The following NKAIN3 variants were observed in gnomAD, a reference collection of about 807,000 sequenced individuals.
NKAIN3 encodes the protein sodium/potassium transporting ATPase interacting 3, also known as sodium/potassium-transporting ATPase subunit beta-1-interacting protein 3.
Under a neutral mutation model 30.2 loss-of-function variants are expected in NKAIN3, and 25 were observed. The ratio of observed to expected loss-of-function variants is 0.83; its 90% CI spans 0.60 to 1.16. NKAIN3 has a LOEUF of 1.16. NKAIN3 is among the 50% of genes most tolerant of loss of function. The probability of loss-of-function intolerance (pLI) is 0.00; values close to 1 mark genes in which losing one functional copy is unlikely to be tolerated. For synonymous variants in NKAIN3, 91 were observed against 89.6 expected (o/e 1.02, Z -0.09); for missense variants, 225 against 254.1 (o/e 0.89, Z 0.78).
At chr8:62,427,556 A>G (rs995497576) in intron 1 of NKAIN3, among the ~76,000 whole-genome samples, 5 of 152,034 alleles carry the variant, frequency 3.3e-5, no homozygotes, top group South Asian at 2.1e-4. Context: ...AATATCACTA[A>G]CAGACATGAT....
intron 1 of NKAIN3, among the ~76,000 whole-genome samples, chr8:62,352,592 C>G: frequency 6.6e-6 from 1 of 152,136 alleles, no homozygotes; most frequent in Non-Finnish European, 1.5e-5. Context: ...TCTAAAATAG[C>G]CTTCTCCCCG....
intron 1 of NKAIN3, among the ~76,000 whole-genome samples, chr8:62,472,217 G>A (rs1806376609): frequency 6.6e-6 from 1 of 152,088 alleles, no homozygotes; most frequent in Non-Finnish European, 1.5e-5. Context: ...GGGAAGGAAG[G>A]AATGGGGCCT....
intron 1 of NKAIN3, among the ~76,000 whole-genome samples, chr8:62,498,968 C>T (rs1036604395): frequency 2.0e-5 from 3 of 152,144 alleles, no homozygotes; most frequent in African/African-American, 7.2e-5. Flanking sequence ...TCAAGACTGA[C>T]TCAAAGGTCA....
intron 5 of NKAIN3, among the ~76,000 whole-genome samples, chr8:62,928,332 C>T (rs1056202427): frequency 6.6e-6 from 1 of 152,196 alleles, no homozygotes; most frequent in Non-Finnish European, 1.5e-5. Flanking sequence ...TTCTCTCTCT[C>T]TCCCTCTCTC....
At chr8:62,345,568 T>C in intron 1 of NKAIN3, among the ~76,000 whole-genome samples, 1 of 146,974 alleles carries the variant, frequency 6.8e-6, no homozygotes, top group Admixed American at 6.9e-5. Context: ...TATACACATA[T>C]ATACACATAT....
intron 4 of NKAIN3, among the ~76,000 whole-genome samples, chr8:62,887,157 C>T: frequency 6.6e-6 from 1 of 152,094 alleles, no homozygotes; most frequent in East Asian, 1.9e-4. Flanking sequence ...TATTTCACTT[C>T]TCTCTCTTCT....
chr8:62,769,526 A>G (rs1028062019), intron 4 of NKAIN3, among the ~76,000 whole-genome samples: 4 of 152,220 alleles, frequency 2.6e-5, no homozygotes, highest in African/African-American at 4.8e-5. Flanking sequence ...AAATTCACCA[A>G]TGAATTGACA....
intron 1 of NKAIN3, among the ~76,000 whole-genome samples, chr8:62,359,349 C>T (rs144115522): frequency 1.3e-5 from 2 of 152,156 alleles, no homozygotes; most frequent in Admixed American, 6.5e-5. Context: ...AGATGGAGAT[C>T]AAAATATTCC....
intron 1 of NKAIN3, among the ~76,000 whole-genome samples, chr8:62,399,239 C>G (rs1385706815): frequency 6.6e-6 from 1 of 152,118 alleles, no homozygotes; most frequent in Non-Finnish European, 1.5e-5. Context: ...GGCATGGTAG[C>G]TCATGCTTGT....
At chr8:62,317,979 A>G (rs1814708272) in intron 1 of NKAIN3, among the ~76,000 whole-genome samples, 1 of 152,106 alleles carries the variant, frequency 6.6e-6, no homozygotes, top group Non-Finnish European at 1.5e-5. Flanking sequence ...GTTCTCCTTG[A>G]AGAGGTCCTT....
At chr8:62,499,606 G>A (rs181130155) in intron 1 of NKAIN3, among the ~76,000 whole-genome samples, 6 of 152,272 alleles carry the variant, frequency 3.9e-5, no homozygotes, top group Admixed American at 6.5e-5. Context: ...AAAGGAAACA[G>A]CATCATATCT....
chr8:62,694,902 C>T (rs183882141), intron 3 of NKAIN3, among the ~76,000 whole-genome samples: 78 of 152,294 alleles, frequency 5.1e-4, no homozygotes, highest in African/African-American at 1.7e-3. Flanking sequence ...TCTTAACTCA[C>T]GTCCTAAACC....
At chr8:62,523,728 T>A (rs2129797684) in intron 1 of NKAIN3, among the ~76,000 whole-genome samples, 1 of 152,214 alleles carries the variant, frequency 6.6e-6, no homozygotes, top group African/African-American at 2.4e-5. Context: ...CTTATGACCA[T>A]GAAGACACCA....
At chr8:62,695,139 T>C (rs1814110584) in intron 3 of NKAIN3, among the ~76,000 whole-genome samples, 1 of 152,206 alleles carries the variant, frequency 6.6e-6, no homozygotes, top group Non-Finnish European at 1.5e-5. Context: ...ATCATGGCAC[T>C]TTTTACATGC....
chr8:62,905,466 C>T (rs1053394309), intron 4 of NKAIN3, among the ~76,000 whole-genome samples: 20 of 152,140 alleles, frequency 1.3e-4, no homozygotes, highest in Admixed American at 5.9e-4. Context: ...TGCTATAAAA[C>T]TCACCTTTAA....
intron 1 of NKAIN3, among the ~76,000 whole-genome samples, chr8:62,413,171 G>T (rs1804316362): frequency 6.6e-6 from 1 of 152,092 alleles, no homozygotes; most frequent in Non-Finnish European, 1.5e-5. Context: ...GTAGATAAAA[G>T]GGAGCACTTA....
intron 1 of NKAIN3, among the ~76,000 whole-genome samples, chr8:62,535,748 G>A (rs1318909575): frequency 6.6e-6 from 1 of 152,094 alleles, no homozygotes; most frequent in Non-Finnish European, 1.5e-5. Flanking sequence ...GGAAGCTCTT[G>A]GAACTCTGTC....
intron 3 of NKAIN3, among the ~76,000 whole-genome samples, chr8:62,611,454 C>A (rs2130187238): frequency 6.6e-6 from 1 of 152,236 alleles, no homozygotes; most frequent in East Asian, 1.9e-4. Flanking sequence ...CCATCAGACT[C>A]CCGCTCTGGA....
intron 4 of NKAIN3, among the ~76,000 whole-genome samples, chr8:62,909,537 T>C (rs1821873628): frequency 6.6e-6 from 1 of 152,138 alleles, no homozygotes; most frequent in Admixed American, 6.6e-5. Context: ...CCATTTCTTG[T>C]AGACAAGCAG....
Sources: allele counts gnomAD v4.1 joint callset (sites outside exome capture counted in the v4.1 genomes callset), GRCh38; gene constraint gnomAD v4.1.1; transcripts MANE v1.5; gene names NCBI Gene and HGNC (gene_info 2026-07-23, HGNC 2026-07-21).